The following PSMB2 variants were observed in gnomAD, a reference collection of about 807,000 sequenced individuals.
PSMB2 encodes proteasome 20S subunit beta 2.
PSMB2 carries 13 observed loss-of-function variants against 25.7 expected under a neutral mutation model. That is an observed-to-expected ratio of 0.51 (90% CI 0.33 to 0.80). The LOEUF (loss-of-function observed/expected upper bound fraction) is 0.80. Among genes scored for constraint, PSMB2 ranks in the 30% least tolerant of loss-of-function variants. PSMB2 has a pLI of 0.02. For synonymous variants in PSMB2, 87 were observed against 96.2 expected (o/e 0.90, Z 0.56); for missense variants, 202 against 259.0 (o/e 0.78, Z 1.51).
At chr1:35,625,534 G>A (rs941661891) in intron 3 of PSMB2, among the ~76,000 whole-genome samples, 2 of 152,068 alleles carry the variant, frequency 1.3e-5, no homozygotes, top group South Asian at 2.1e-4. Context: ...AGGCCAAGGC[G>A]GGTGGACCAC....
chr1:35,605,155 A>C, intron 5 of PSMB2, 78 bp downstream of exon 5: 6 of 1,441,768 alleles, frequency 4.2e-6, no homozygotes, highest in Non-Finnish European at 4.8e-6. Flanking sequence ...ATCTGAAAAA[A>C]TATAACTGAG....
intron 3 of PSMB2, among the ~76,000 whole-genome samples, chr1:35,620,823 C>T (rs1200912062): frequency 6.6e-6 from 1 of 151,744 alleles, no homozygotes; most frequent in Non-Finnish European, 1.5e-5. Context: ...TGTCACCATG[C>T]CCAGCTAATT....
In PSMB2 at chr1:35,600,185, A is replaced by G; in HGVS notation, c.*3082T>C. On this transcript the variant is annotated 3_prime_UTR_variant, in exon 6 of 6. Coordinates refer to ENST00000373237, the MANE Select transcript of PSMB2 (RefSeq NM_002794.5). Reference sequence around the variant, plus strand: ...AAATTATAATAAAATTAAAAGATTTAGGATGTAGAAATGCCAGAACTTGGT... The same window carrying G: ...AAATTATAATAAAATTAAAAGATTTGGGATGTAGAAATGCCAGAACTTGGT... 2 of 984,760 alleles carry G rather than the reference A, an allele frequency of 2.0e-6. No individual in the cohort carries two copies. Among genetic ancestry groups the G allele is most frequent in the Non-Finnish European group, 2.4e-6 (2 of 829,306 alleles). The allele number at this position is 984,760 out of a possible 1,614,324, so 61.0% of individuals were successfully genotyped here.
intron 3 of PSMB2, among the ~76,000 whole-genome samples, chr1:35,628,617 ATATATATATATATATTTTT>A (rs1488758729): frequency 4.0e-5 from 2 of 49,500 alleles, no homozygotes; most frequent in African/African-American, 1.6e-4. Flanking sequence ...ATATATATAT[ATATATATATATATATTTTT>A]TTTTTTTTTT....
intron 3 of PSMB2, among the ~76,000 whole-genome samples, chr1:35,620,405 C>T (rs1161339362): frequency 6.6e-6 from 1 of 152,148 alleles, no homozygotes; most frequent in Non-Finnish European, 1.5e-5. Flanking sequence ...CCAAATGCTC[C>T]ATCAAAGAAC....
At chr1:35,625,285 G>A (rs1332381953) in intron 3 of PSMB2, among the ~76,000 whole-genome samples, 1 of 152,174 alleles carries the variant, frequency 6.6e-6, no homozygotes, top group Non-Finnish European at 1.5e-5. Flanking sequence ...TGGCCAGTGT[G>A]GCAGTGAAAC....
chr1:35,628,648 T>TTTTTTTTTTTTTA (rs1553125213), intron 3 of PSMB2, among the ~76,000 whole-genome samples: 1 of 34,740 alleles, frequency 2.9e-5, no homozygotes, highest in Non-Finnish European at 8.6e-5. Flanking sequence ...TTTTTTTTTT[T>TTTTTTTTTTTTTA]AAAGAAAAGA....
intron 5 of PSMB2, 23 bp from the exon 6 acceptor site, chr1:35,603,397 T>A: frequency 2.5e-6 from 4 of 1,613,218 alleles, no homozygotes; most frequent in Non-Finnish European, 3.4e-6. Flanking sequence ...ATGGAGGAAA[T>A]CAGTCAACAA....
Position 35,599,861 on chromosome 1 carries a change from A to C in PSMB2, c.*3406T>G, listed in dbSNP as rs757115506. ...GATTTATAAAGATTAGGCTGGGTGCAGTGGCTCACATCTGTAATCCCAGTG... is the reference window on the plus strand; with the variant it reads ...GATTTATAAAGATTAGGCTGGGTGCCGTGGCTCACATCTGTAATCCCAGTG... On this transcript the variant is annotated 3_prime_UTR_variant, in exon 6 of 6. Transcript: ENST00000373237. 307 of 982,708 alleles carry C rather than the reference A, an allele frequency of 3.1e-4. No homozygotes were observed. The highest frequency in any genetic ancestry group is 3.6e-4 in the Non-Finnish European group (297 of 827,580). 60.9% of individuals were successfully genotyped at this position (982,708 alleles called of 1,614,324 possible). A position where few individuals can be genotyped will look rare whatever the true frequency, so the allele number is the denominator to read the frequency against.
intron 3 of PSMB2, among the ~76,000 whole-genome samples, chr1:35,610,117 A>G (rs1650286813): frequency 6.6e-6 from 1 of 152,124 alleles, no homozygotes; most frequent in Non-Finnish European, 1.5e-5. Context: ...ACCAATCCCA[A>G]ATGGTAAACT....
chr1:35,630,956 C>T (rs1225426362), intron 3 of PSMB2, among the ~76,000 whole-genome samples: 3 of 152,146 alleles, frequency 2.0e-5, no homozygotes, highest in Non-Finnish European at 4.4e-5. Flanking sequence ...AATCTTTATA[C>T]TTCTTCTCAA....
Position 35,602,816 on chromosome 1 carries a change from T to C in PSMB2, c.*451A>G, listed in dbSNP as rs1222805241. ...CAGCTCTGGAAGAAATATTTTTCAC[T>C]ACATGTTTTTGTACTGTTTGCATGT... On this transcript the variant is annotated 3_prime_UTR_variant, in exon 6 of 6. Coordinates refer to ENST00000373237, the MANE Select transcript of PSMB2 (RefSeq NM_002794.5). 3 of 781,730 alleles carry C rather than the reference T, an allele frequency of 3.8e-6. No homozygotes were observed. Among genetic ancestry groups the C allele is most frequent in the Admixed American group, 6.0e-5 (1 of 16,538 alleles). The allele number at this position is 781,730 out of a possible 1,614,324, so 48.4% of individuals were successfully genotyped here.
At chr1:35,626,645 C>T (rs944247881) in intron 3 of PSMB2, among the ~76,000 whole-genome samples, 1 of 152,140 alleles carries the variant, frequency 6.6e-6, no homozygotes, top group African/African-American at 2.4e-5. Context: ...GAATCTTAAC[C>T]TTTAACATAG....
At position 35,633,430 on chromosome 1, in the gene PSMB2, A is replaced by G. The variant is rs372466347; in HGVS notation, c.215-2086T>C. On this transcript the variant is annotated intron_variant, in intron 2 of 5. Coordinates refer to ENST00000373237, the MANE Select transcript of PSMB2 (RefSeq NM_002794.5). ...TATAAGAATTACTATATAGAGTTACATACACAAAACTGTACTTGGCAGGTA... is the reference window on the plus strand; with the variant it reads ...TATAAGAATTACTATATAGAGTTACGTACACAAAACTGTACTTGGCAGGTA... Among the ~76,000 whole-genome samples, 61 of 152,342 alleles carry G rather than the reference A, an allele frequency of 4.0e-4. 1 individual carries two copies. The highest frequency in any genetic ancestry group is 1.5e-3 in the African/African-American group (61 of 41,574).
Position 35,600,684 on chromosome 1 carries a change from A to G in PSMB2, c.*2583T>C. Reference sequence around the variant, plus strand: ...AAATCTGGAGGGTGAGCTATCTAGGAATGAGTTGATTTGGAGCTCAGGAAA... The same window carrying G: ...AAATCTGGAGGGTGAGCTATCTAGGGATGAGTTGATTTGGAGCTCAGGAAA... On this transcript the variant is annotated 3_prime_UTR_variant, in exon 6 of 6. Coordinates refer to ENST00000373237, the MANE Select transcript of PSMB2 (RefSeq NM_002794.5). 4.1e-6 allele frequency: 4 copies of G among 985,320 alleles called. No homozygotes were observed. Among genetic ancestry groups the G allele is most frequent in the Non-Finnish European group, 4.8e-6 (4 of 829,908 alleles). The allele number at this position is 985,320 out of a possible 1,614,324, so 61.0% of individuals were successfully genotyped here. A position where few individuals can be genotyped will look rare whatever the true frequency, so the allele number is the denominator to read the frequency against.
intron 2 of PSMB2, among the ~76,000 whole-genome samples, chr1:35,632,027 G>A (rs971294118): frequency 3.3e-5 from 5 of 151,934 alleles, no homozygotes; most frequent in East Asian, 1.9e-4. Flanking sequence ...CTAAAAAAAC[G>A]AAAACAGGAA....
intron 4 of PSMB2, 85 bp from the exon 5 acceptor site, chr1:35,605,367 G>T (rs1241912986): frequency 7.4e-7 from 1 of 1,349,098 alleles, no homozygotes; most frequent in Non-Finnish European, 1.1e-6. Context: ...TCCAAATCTG[G>T]CTTCTTCAGG....
chr1:35,624,924 G>A (rs933963358), intron 3 of PSMB2, among the ~76,000 whole-genome samples: 8 of 152,122 alleles, frequency 5.3e-5, no homozygotes, highest in African/African-American at 1.9e-4. Flanking sequence ...AGCCAGGCAT[G>A]GTGGTGCACG....
chr1:35,617,659 T>C (rs958105884), intron 3 of PSMB2, among the ~76,000 whole-genome samples: 2 of 152,120 alleles, frequency 1.3e-5, no homozygotes, highest in African/African-American at 4.8e-5. Flanking sequence ...TAGATGTGGA[T>C]AGGAAGGACT....
Sources: gnomAD v4.1 joint callset for allele counts (sites outside exome capture counted in the v4.1 genomes callset) on GRCh38, gnomAD v4.1.1 for gene constraint, MANE v1.5 for transcripts, NCBI Gene and HGNC (gene_info 2026-07-23, HGNC 2026-07-21) for gene names.